CDH18: variants seen among roughly 807,000 people sequenced by gnomAD.
CDH18 encodes cadherin-18.
A neutral mutation model predicts 67.9 loss-of-function variants in CDH18; 31 were observed. That is an observed-to-expected ratio of 0.46 (90% CI 0.34 to 0.62). CDH18 has a LOEUF of 0.62. Among genes scored for constraint, CDH18 ranks in the 20% least tolerant of loss-of-function variants. The probability of loss-of-function intolerance (pLI) is 0.01; values close to 1 mark genes in which losing one functional copy is unlikely to be tolerated. For synonymous variants in CDH18, 362 were observed against 347.2 expected, an observed-to-expected ratio of 1.04 and a Z score of -0.48; for missense variants, 890 against 975.5, an observed-to-expected ratio of 0.91 and a Z score of 1.17.
intron 5 of CDH18, among the ~76,000 whole-genome samples, chr5:19,657,863 A>G (rs1756612801): frequency 6.6e-6 from 1 of 152,098 alleles, no homozygotes; most frequent in Non-Finnish European, 1.5e-5. Context: ...CATTCTTAAC[A>G]GAAAGTCTGC....
intron 2 of CDH18, among the ~76,000 whole-genome samples, chr5:20,161,770 A>G (rs943572408): frequency 3.3e-5 from 5 of 152,134 alleles, no homozygotes; most frequent in Admixed American, 6.6e-5. Flanking sequence ...ATCAACGGAA[A>G]TTCTTTGAGG....
chr5:20,358,490 T>C (rs1183097050), intron 1 of CDH18, among the ~76,000 whole-genome samples: 1 of 152,194 alleles, frequency 6.6e-6, no homozygotes, highest in African/African-American at 2.4e-5. Context: ...TGTTACATCC[T>C]TATGCATTAT....
chr5:19,877,229 C>T (rs1305537377), intron 2 of CDH18, among the ~76,000 whole-genome samples: 1 of 151,856 alleles, frequency 6.6e-6, no homozygotes, highest in African/African-American at 2.4e-5. Flanking sequence ...AAAAAAAAAC[C>T]TATATTAAAT....
chr5:20,070,903 C>A (rs1743425504), intron 2 of CDH18, among the ~76,000 whole-genome samples: 1 of 152,130 alleles, frequency 6.6e-6, no homozygotes, highest in Admixed American at 6.5e-5. Context: ...ATGCTAACTT[C>A]TAATAAAAAC....
chr5:19,547,659 A>C (rs1736576759), intron 8 of CDH18, among the ~76,000 whole-genome samples: 1 of 152,116 alleles, frequency 6.6e-6, no homozygotes, highest in Non-Finnish European at 1.5e-5. Context: ...ATATAGTTTT[A>C]AATTATGTTT....
chr5:20,069,976 A>G (rs907659771), intron 2 of CDH18, among the ~76,000 whole-genome samples: 1 of 152,168 alleles, frequency 6.6e-6, no homozygotes, highest in Non-Finnish European at 1.5e-5. Flanking sequence ...GGGTGTGGGC[A>G]GAGATACAAT....
intron 5 of CDH18, among the ~76,000 whole-genome samples, chr5:19,652,977 A>G (rs1224168540): frequency 6.6e-6 from 1 of 152,122 alleles, no homozygotes; most frequent in Non-Finnish European, 1.5e-5. Flanking sequence ...AATTACCTCG[A>G]CTTGGCTTCT....
intron 11 of CDH18, among the ~76,000 whole-genome samples, chr5:19,492,908 T>C (rs566172364): frequency 1.2e-4 from 19 of 152,220 alleles, no homozygotes; most frequent in South Asian, 1.2e-3. Context: ...TCAGAGTATC[T>C]TATACTGGAG....
At chr5:19,541,392 TCTGA>T (rs1750252977) in intron 9 of CDH18, among the ~76,000 whole-genome samples, 1 of 152,030 alleles carries the variant, frequency 6.6e-6, no homozygotes, top group Admixed American at 6.6e-5. Context: ...TGTTTCAACT[TCTGA>T]CTGTTACCCG....
At chr5:20,156,288 T>C (rs1345249768) in intron 2 of CDH18, among the ~76,000 whole-genome samples, 1 of 152,172 alleles carries the variant, frequency 6.6e-6, no homozygotes, top group Non-Finnish European at 1.5e-5. Flanking sequence ...GTTATGTTTA[T>C]CACAGCGCTA....
intron 1 of CDH18, among the ~76,000 whole-genome samples, chr5:20,422,377 G>A (rs1332722238): frequency 6.6e-6 from 1 of 150,812 alleles, no homozygotes; most frequent in Non-Finnish European, 1.5e-5. Flanking sequence ...CTTTCAAAAT[G>A]TTTTTAAACA....
chr5:19,958,209 C>T (rs1272753008), intron 2 of CDH18, among the ~76,000 whole-genome samples: 1 of 151,238 alleles, frequency 6.6e-6, no homozygotes, highest in Non-Finnish European at 1.5e-5. Context: ...ACCCTGGATC[C>T]CTAAATGCCT....
At chr5:20,214,227 G>C (rs1740581260) in intron 2 of CDH18, among the ~76,000 whole-genome samples, 2 of 151,978 alleles carry the variant, frequency 1.3e-5, no homozygotes, top group South Asian at 4.1e-4. Flanking sequence ...TTATGCTCAT[G>C]GATAGGAAGA....
intron 2 of CDH18, among the ~76,000 whole-genome samples, chr5:20,026,728 G>A (rs1738931677): frequency 6.6e-6 from 1 of 152,102 alleles, no homozygotes; most frequent in Non-Finnish European, 1.5e-5. Context: ...TTAGGCCAAG[G>A]CGGGTGGATC....
At chr5:20,249,934 T>C (rs1028258438) in intron 2 of CDH18, among the ~76,000 whole-genome samples, 1 of 152,072 alleles carries the variant, frequency 6.6e-6, no homozygotes, top group Non-Finnish European at 1.5e-5. Flanking sequence ...TGGTGATTTT[T>C]TTTTTAAGGT....
At chr5:20,165,062 T>C (rs1445815231) in intron 2 of CDH18, among the ~76,000 whole-genome samples, 1 of 152,140 alleles carries the variant, frequency 6.6e-6, no homozygotes, top group Non-Finnish European at 1.5e-5. Flanking sequence ...GATTTTGACA[T>C]ACAATTTAAA....
intron 1 of CDH18, among the ~76,000 whole-genome samples, chr5:20,425,253 GTTACT>G (rs1748205418): frequency 2.0e-5 from 3 of 150,424 alleles, no homozygotes; most frequent in Non-Finnish European, 4.4e-5. Flanking sequence ...TGTAATCCCA[GTTACT>G]CTACTCGGGA....
At chr5:19,605,506 G>A (rs1295479792) in intron 6 of CDH18, among the ~76,000 whole-genome samples, 1 of 151,894 alleles carries the variant, frequency 6.6e-6, no homozygotes, top group Non-Finnish European at 1.5e-5. Context: ...AATACAAATT[G>A]ATAGAGAATA....
chr5:20,485,758 C>A lies in CDH18; in HGVS notation c.-580+89704G>T, dbSNP rs541398509. ...GCATCTTTATGCTTTCAGCGAGTAA[C>A]CTGAGGGTACATTTTGGCAACAAAA... On this transcript the variant is annotated intron_variant, in intron 1 of 14. Transcript: ENST00000507958. 1.6e-4 allele frequency among the ~76,000 whole-genome samples: 24 copies of A among 152,144 alleles called. No individual in the cohort carries two copies. In the South Asian group the frequency reaches 4.6e-3, roughly 29 times the overall value.
Sources: gnomAD v4.1 joint callset for allele counts (sites outside exome capture counted in the v4.1 genomes callset) on GRCh38, gnomAD v4.1.1 for gene constraint, MANE v1.5 for transcripts, NCBI Gene and HGNC (gene_info 2026-07-23, HGNC 2026-07-21) for gene names.